The following RIMS2 variants were observed in gnomAD, a reference collection of about 807,000 sequenced individuals.
The protein encoded by RIMS2 is regulating synaptic membrane exocytosis 2.
RIMS2 carries 59 observed loss-of-function variants against 174.4 expected under a neutral mutation model. That is an observed-to-expected ratio of 0.34 (90% CI 0.27 to 0.42). The LOEUF is 0.42. RIMS2 is among the 10% of genes least tolerant of loss of function. The probability of loss-of-function intolerance (pLI) is 1.00; values close to 1 mark genes in which losing one functional copy is unlikely to be tolerated. For missense variants in RIMS2, 1,620 were observed against 1,666.3 expected (o/e 0.97, Z 0.48); for synonymous variants, 606 against 572.5 (o/e 1.06, Z -0.84).
chr8:103,911,496 A>G (rs995962873), intron 5 of RIMS2, among the ~76,000 whole-genome samples: 2 of 152,152 alleles, frequency 1.3e-5, no homozygotes, highest in Non-Finnish European at 2.9e-5. Flanking sequence ...CTGGGAATTT[A>G]TTGGGGCTTG....
At chr8:104,069,377 G>A (rs1206752146) in intron 19 of RIMS2, among the ~76,000 whole-genome samples, 1 of 151,604 alleles carries the variant, frequency 6.6e-6, no homozygotes, top group African/African-American at 2.4e-5. Flanking sequence ...AAAGTCTTTT[G>A]GTATGAATCT....
chr8:103,826,488 G>C (rs528959084), intron 3 of RIMS2, among the ~76,000 whole-genome samples: 1 of 151,562 alleles, frequency 6.6e-6, no homozygotes, highest in African/African-American at 2.4e-5. Context: ...AGGCTTAAAG[G>C]TTTCTATTCT....
intron 3 of RIMS2, among the ~76,000 whole-genome samples, chr8:103,834,328 T>A (rs948476622): frequency 7.8e-6 from 1 of 127,878 alleles, no homozygotes; most frequent in Non-Finnish European, 1.6e-5. Context: ...TCTTTTTTCT[T>A]TTTCTTTTTT....
At chr8:104,186,239 T>C (rs761366480) in intron 19 of RIMS2, among the ~76,000 whole-genome samples, 12 of 151,062 alleles carry the variant, frequency 7.9e-5, no homozygotes, top group Non-Finnish European at 1.3e-4. Context: ...TTCGGAAGAG[T>C]GAAGGGATGG....
chr8:104,054,369 G>A (rs573245219), intron 19 of RIMS2, among the ~76,000 whole-genome samples: 1 of 152,168 alleles, frequency 6.6e-6, no homozygotes, highest in African/African-American at 2.4e-5. Context: ...TTGGGAAAAA[G>A]CAATACAATT....
chr8:103,953,061 G>A (rs1185546472), intron 14 of RIMS2, among the ~76,000 whole-genome samples: 1 of 151,882 alleles, frequency 6.6e-6, no homozygotes, highest in Non-Finnish European at 1.5e-5. Context: ...AAAGGAAAAA[G>A]AGTGAAAAAT....
At chr8:103,957,975 G>T (rs1166412284) in intron 14 of RIMS2, among the ~76,000 whole-genome samples, 2 of 152,090 alleles carry the variant, frequency 1.3e-5, no homozygotes, top group Non-Finnish European at 2.9e-5. Context: ...TAGTTCAACT[G>T]TTGTGTAAAG....
At chr8:104,192,387 T>C (rs970110345) in intron 19 of RIMS2, among the ~76,000 whole-genome samples, 1 of 152,180 alleles carries the variant, frequency 6.6e-6, no homozygotes, top group Non-Finnish European at 1.5e-5. Context: ...AAAAAAAGCA[T>C]AACAATCATA....
At chr8:103,885,513 A>T in exon 4 of RIMS2, 1 of 1,612,496 alleles carries the variant, frequency 6.2e-7, no homozygotes, top group African/African-American at 1.3e-5. Context: ...AGGCATTCCA[A>T]AGAATATATT....
In RIMS2 at chr8:104,101,326, C is replaced by T. The variant is rs188035312; in HGVS notation, c.3334+86711C>T. ...ATTTTTAGTAGAGACAGCATTTTGCCATGTTGCCCAGGGGCTGGTCTCAAA... is the reference window on the plus strand; with the variant it reads ...ATTTTTAGTAGAGACAGCATTTTGCTATGTTGCCCAGGGGCTGGTCTCAAA... On this transcript the variant is annotated intron_variant, in intron 19 of 23. Coordinates refer to ENST00000504942, the Ensembl canonical transcript of RIMS2. Among the ~76,000 whole-genome samples, 278 of 151,860 alleles carry T rather than the reference C, an allele frequency of 1.8e-3. 4 individuals are homozygous for T. Among genetic ancestry groups the T allele is most frequent in the Middle Eastern group, 0.01 (3 of 294 alleles).
intron 19 of RIMS2, among the ~76,000 whole-genome samples, chr8:104,118,838 TTG>T (rs1326314021): frequency 1.3e-5 from 2 of 152,306 alleles, no homozygotes; most frequent in Admixed American, 1.3e-4. Flanking sequence ...TGTCTTTTCG[TTG>T]TGTCTTCACG....
In RIMS2 at chr8:103,804,559, T is replaced by C. The variant is rs550002923; in HGVS notation, c.698+38022T>C. ...TCCTTGAGTTTGTCTATGTGGTTTA[T>C]TTTCTCTGCTCCTCCTGGTAAGAAA... On this transcript the variant is annotated intron_variant, in intron 3 of 23. Coordinates refer to ENST00000504942, the Ensembl canonical transcript of RIMS2. Among the ~76,000 whole-genome samples, 6 of 152,340 alleles carry C rather than the reference T, an allele frequency of 3.9e-5. 1 individual carries two copies. Among genetic ancestry groups the C allele is most frequent in the South Asian group, 4.1e-4 (2 of 4,826 alleles).
intron 5 of RIMS2, 71 bp from the exon 8 acceptor site, chr8:103,910,250 T>C (rs372744185): frequency 6.5e-7 from 1 of 1,532,608 alleles, no homozygotes; most frequent in Non-Finnish European, 8.9e-7. Flanking sequence ...CATTTCACTT[T>C]TCCTTTTTTA....
chr8:103,837,479 C>T (rs949289709), intron 3 of RIMS2, among the ~76,000 whole-genome samples: 5 of 152,164 alleles, frequency 3.3e-5, no homozygotes, highest in Admixed American at 1.3e-4. Flanking sequence ...CCCATTAACT[C>T]GTCATTTAAC....
chr8:103,957,048 A>G (rs1470452024), intron 14 of RIMS2, among the ~76,000 whole-genome samples: 9 of 152,248 alleles, frequency 5.9e-5, no homozygotes, highest in Non-Finnish European at 1.0e-4. Flanking sequence ...AACCACAGTA[A>G]GGTACCATCT....
intron 16 of RIMS2, among the ~76,000 whole-genome samples, chr8:103,978,619 A>G (rs1302705788): frequency 6.6e-6 from 1 of 152,250 alleles, no homozygotes; most frequent in Non-Finnish European, 1.5e-5. Context: ...AAGGCATTAT[A>G]AAAACTAATA....
intron 15 of RIMS2, among the ~76,000 whole-genome samples, chr8:103,963,259 G>A (rs571448911): frequency 1.3e-4 from 20 of 151,926 alleles, no homozygotes; most frequent in African/African-American, 2.4e-4. Context: ...TACAAAATGC[G>A]CACCCCTACC....
intron 13 of RIMS2, 123 bp from the exon 16 acceptor site, chr8:103,942,649 TG>T (rs1484672027): frequency 2.9e-6 from 2 of 678,178 alleles, no homozygotes; most frequent in Non-Finnish European, 4.7e-6. Flanking sequence ...AACGTCTAAA[TG>T]ACCTTGTTTT....
chr8:104,230,260 C>T (rs1215989269), intron 19 of RIMS2, among the ~76,000 whole-genome samples: 1 of 136,302 alleles, frequency 7.3e-6, no homozygotes, highest in Non-Finnish European at 1.5e-5. Context: ...GTCTGGGCAA[C>T]GAGAGCAAAA....
Sources: gnomAD v4.1 joint callset for allele counts (sites outside exome capture counted in the v4.1 genomes callset) on GRCh38, gnomAD v4.1.1 for gene constraint, MANE v1.5 for transcripts, NCBI Gene and HGNC (gene_info 2026-07-23, HGNC 2026-07-21) for gene names.